The following CNTN4 variants were observed in gnomAD, a reference collection of about 807,000 sequenced individuals.
CNTN4 encodes contactin-4.
In CNTN4, 77 loss-of-function variants were observed where a neutral mutation model predicts 122.5. The ratio of observed to expected loss-of-function variants is 0.63; its 90% CI spans 0.52 to 0.76. CNTN4 has a LOEUF of 0.76. Among genes scored for constraint, CNTN4 ranks in the 30% least tolerant of loss-of-function variants. The pLI is 0.00. For missense variants in CNTN4, 1,256 were observed against 1,259.1 expected (o/e 1.00, Z 0.04); for synonymous variants, 512 against 447.0 (o/e 1.15, Z -1.83).
rs1027942639 is a variant in CNTN4 at position 2,635,065 on chromosome 3, T to A, written c.55+63507T>A. ...ATATCTCGGAACCATCTAGGGGAATTTGTAAGTTTTCATCGAATTTTTTTT... is the reference window on the plus strand; with the variant it reads ...ATATCTCGGAACCATCTAGGGGAATATGTAAGTTTTCATCGAATTTTTTTT... On this transcript the variant is annotated intron_variant, in intron 4 of 24. Transcript: ENST00000418658. 3.3e-5 allele frequency among the ~76,000 whole-genome samples: 5 copies of A among 152,208 alleles called. No homozygotes were observed. In the East Asian group the frequency reaches 5.8e-4, roughly 18 times the overall value.
chr3:2,274,150 AG>A (rs2041408127), intron 2 of CNTN4, among the ~76,000 whole-genome samples: 1 of 152,112 alleles, frequency 6.6e-6, no homozygotes, highest in African/African-American at 2.4e-5. Context: ...TGCGAGGCCG[AG>A]GCAGACAAAT....
At chr3:2,489,648 C>G (rs570729306) in intron 3 of CNTN4, among the ~76,000 whole-genome samples, 7 of 152,290 alleles carry the variant, frequency 4.6e-5, no homozygotes, top group Non-Finnish European at 7.4e-5. Context: ...GCTAGTCATA[C>G]CAGTATCTGT....
At chr3:2,563,154 C>T (rs1238638773) in intron 3 of CNTN4, among the ~76,000 whole-genome samples, 1 of 152,146 alleles carries the variant, frequency 6.6e-6, no homozygotes, top group Admixed American at 6.5e-5. Flanking sequence ...TACATTCCCA[C>T]CAAAGGTTTA....
intron 3 of CNTN4, among the ~76,000 whole-genome samples, chr3:2,506,740 A>T (rs1366507531): frequency 6.6e-6 from 1 of 152,198 alleles, no homozygotes; most frequent in Non-Finnish European, 1.5e-5. Context: ...GATAGAAAGA[A>T]AAAAGATATT....
At chr3:2,456,697 A>G (rs2049015441) in intron 3 of CNTN4, among the ~76,000 whole-genome samples, 1 of 152,090 alleles carries the variant, frequency 6.6e-6, no homozygotes, top group African/African-American at 2.4e-5. Flanking sequence ...ACCTGTCAGT[A>G]TTTCCTTCTT....
intron 2 of CNTN4, among the ~76,000 whole-genome samples, chr3:2,307,767 G>A (rs752132994): frequency 7.9e-5 from 12 of 151,906 alleles, no homozygotes. Flanking sequence ...TGAATAATCT[G>A]GTCTATATCA....
In CNTN4 at chr3:2,385,886, A is replaced by T. The variant is rs993046548; in HGVS notation, c.-89+46653A>T. ...TCTTTTTAGCGACACAATTCAACCCATAACAATGTTCCATCAATATTTGAT... is the reference window on the plus strand; with the variant it reads ...TCTTTTTAGCGACACAATTCAACCCTTAACAATGTTCCATCAATATTTGAT... On this transcript the variant is annotated intron_variant, in intron 3 of 24. Coordinates refer to ENST00000418658, the MANE Select transcript of CNTN4 (RefSeq NM_175607.3). This position sits in a 1 kb window ranked among gnomAD's most constrained non-coding sequence, Gnocchi z 4.0. 3.9e-5 allele frequency among the ~76,000 whole-genome samples: 6 copies of T among 152,086 alleles called. No homozygotes were observed. The highest frequency in any genetic ancestry group is 3.3e-4 in the Admixed American group (5 of 15,256).
intron 2 of CNTN4, among the ~76,000 whole-genome samples, chr3:2,104,111 A>G (rs905792516): frequency 1.3e-5 from 2 of 152,068 alleles, no homozygotes; most frequent in Non-Finnish European, 2.9e-5. Flanking sequence ...TTTCTTTCCC[A>G]GAAGCCCCTG....
At chr3:2,540,444 G>T (rs1436558577) in intron 3 of CNTN4, among the ~76,000 whole-genome samples, 3 of 152,006 alleles carry the variant, frequency 2.0e-5, no homozygotes, top group African/African-American at 4.8e-5. Context: ...CATGGGTGTG[G>T]TTGAAGAGCA....
At position 2,887,053 on chromosome 3, in the gene CNTN4, A is replaced by C; in HGVS notation, c.769A>C (p.Ile257Leu). The C allele has an allele frequency of 6.2e-7, 1 of 1,613,924 alleles. No individual in the cohort carries two copies. The highest frequency in any genetic ancestry group is 8.5e-7 in the Non-Finnish European group (1 of 1,179,894). The part of the protein sequence containing the change: ...CFALGNPVPT[I>L]IWRRADGKPI... The stretch of plus-strand genomic sequence containing the variant: ...TCTTGCTATCAGTCCAGTACCAACT[A>C]TTATCTGGCGAAGAGCTGATGGAAA... Residue 257 changes from isoleucine (I) to leucine (L), a missense_variant, in exon 10 of 25, where the codon ATT (isoleucine) becomes CTT (leucine). Ile to Leu is a conservative substitution (Grantham distance 5, BLOSUM62 2). Coordinates refer to ENST00000418658, the MANE Select transcript of CNTN4 (RefSeq NM_175607.3).
intron 23 of CNTN4, among the ~76,000 whole-genome samples, chr3:3,046,717 CAACTACCGAGCAAAATAACCAGCT>C (rs1194835833): frequency 2.0e-5 from 3 of 152,116 alleles, no homozygotes; most frequent in Non-Finnish European, 2.9e-5. Flanking sequence ...GAAACTGCAT[CAACTACCGAGCAAAATAACCAGCT>C]AACATCATAA....
At chr3:2,161,449 A>G (rs1559299164) in intron 2 of CNTN4, among the ~76,000 whole-genome samples, 2 of 152,052 alleles carry the variant, frequency 1.3e-5, no homozygotes. Flanking sequence ...GAGTGGGGGC[A>G]GTGGAGGTGG....
intron 3 of CNTN4, among the ~76,000 whole-genome samples, chr3:2,389,028 G>A (rs1328942459): frequency 6.6e-6 from 1 of 151,704 alleles, no homozygotes; most frequent in Non-Finnish European, 1.5e-5. Context: ...AGGCGTGGTG[G>A]TGTGTGCCTG....
chr3:2,823,229 T>G (rs1012573177), intron 7 of CNTN4, among the ~76,000 whole-genome samples: 1 of 152,194 alleles, frequency 6.6e-6, no homozygotes, highest in Non-Finnish European at 1.5e-5. Context: ...CTGGTTTCCA[T>G]TGTAACAGAT....
chr3:2,737,305 T>G (rs1163820630), intron 5 of CNTN4, among the ~76,000 whole-genome samples: 1 of 152,134 alleles, frequency 6.6e-6, no homozygotes, highest in Non-Finnish European at 1.5e-5. Flanking sequence ...GGTCTCGTAT[T>G]CCTGACCTCA....
At chr3:2,277,495 T>C (rs2041558904) in intron 2 of CNTN4, among the ~76,000 whole-genome samples, 2 of 152,102 alleles carry the variant, frequency 1.3e-5, no homozygotes, top group Admixed American at 6.5e-5. Context: ...CATAAAACAT[T>C]TTCTTTTCTT....
At chr3:2,120,086 A>C (rs1559260201) in intron 2 of CNTN4, among the ~76,000 whole-genome samples, 1 of 151,896 alleles carries the variant, frequency 6.6e-6, no homozygotes, top group Non-Finnish European at 1.5e-5. Context: ...GGCAGTAGGT[A>C]AGTAAGAGCT....
At chr3:2,556,544 C>A (rs2078728093) in intron 3 of CNTN4, among the ~76,000 whole-genome samples, 1 of 151,942 alleles carries the variant, frequency 6.6e-6, no homozygotes, top group African/African-American at 2.4e-5. Context: ...TTTTATAAAC[C>A]ATTTTCTTCC....
At chr3:2,882,165 C>T (rs1577141250) in intron 8 of CNTN4, among the ~76,000 whole-genome samples, 1 of 152,212 alleles carries the variant, frequency 6.6e-6, no homozygotes, top group East Asian at 1.9e-4. Context: ...GAGTTGGAGA[C>T]CAGCCTGGCC....
Sources: allele counts gnomAD v4.1 joint callset (sites outside exome capture counted in the v4.1 genomes callset), GRCh38; gene constraint gnomAD v4.1.1; non-coding constraint Gnocchi (gnomAD v3.1); transcripts MANE v1.5; gene names NCBI Gene and HGNC (gene_info 2026-07-23, HGNC 2026-07-21).